SLC15A4: variants seen among roughly 807,000 people sequenced by gnomAD.
The protein encoded by SLC15A4 is solute carrier family 15 member 4.
Under a neutral mutation model 46.1 loss-of-function variants are expected in SLC15A4, and 26 were observed. The observed-to-expected ratio is 0.56, with a 90% CI of 0.41 to 0.78. The LOEUF (loss-of-function observed/expected upper bound fraction) is 0.78. Ranked by LOEUF, SLC15A4 falls within the 30% of genes least tolerant of loss-of-function variation. The probability of loss-of-function intolerance (pLI) is 0.00; values close to 1 mark genes in which losing one functional copy is unlikely to be tolerated. For missense variants in SLC15A4, 751 were observed against 755.7 expected, an observed-to-expected ratio of 0.99 and a Z score of 0.07; for synonymous variants, 370 against 333.4, an observed-to-expected ratio of 1.11 and a Z score of -1.20.
chr12:128,800,402 T>A (rs1023051136), intron 6 of SLC15A4, among the ~76,000 whole-genome samples: 4 of 152,306 alleles, frequency 2.6e-5, no homozygotes, highest in African/African-American at 9.6e-5. Context: ...CTGCCCAGAA[T>A]ACACTTGTTC....
At chr12:128,821,421 C>G (rs1566059695) in intron 1 of SLC15A4, among the ~76,000 whole-genome samples, 1 of 152,236 alleles carries the variant, frequency 6.6e-6, no homozygotes, top group Non-Finnish European at 1.5e-5. Context: ...CATCTCGTCT[C>G]CATCACAGTT....
rs1483717771 is a variant in SLC15A4 at position 128,805,722 on chromosome 12, G to A, written c.1258+3066C>T. Reference sequence around the variant, plus strand: ...AATTTTAGTATTTTTGGTAGAGATGGGGTTTCACCATGTTGGCCAGGCTGG... The same window carrying A: ...AATTTTAGTATTTTTGGTAGAGATGAGGTTTCACCATGTTGGCCAGGCTGG... On this transcript the variant is annotated intron_variant, in intron 5 of 7. Transcript: ENST00000266771. Among the ~76,000 whole-genome samples, 6 of 152,178 alleles carry A rather than the reference G, an allele frequency of 3.9e-5. No individual in the cohort carries two copies. In the East Asian group the frequency reaches 5.8e-4, roughly 15 times the overall value.
At chr12:128,807,678 A>T (rs1955605986) in intron 5 of SLC15A4, among the ~76,000 whole-genome samples, 1 of 152,348 alleles carries the variant, frequency 6.6e-6, no homozygotes, top group East Asian at 1.9e-4. Context: ...CCCTGCGGTG[A>T]TTCAGTTCTT....
At chr12:128,800,769 A>C in intron 6 of SLC15A4, 85 bp downstream of exon 6, 1 of 1,400,676 alleles carries the variant, frequency 7.1e-7, no homozygotes, top group Non-Finnish European at 9.6e-7. Flanking sequence ...TCCTTGTCTC[A>C]ACATATTCCA....
intron 1 of SLC15A4, among the ~76,000 whole-genome samples, chr12:128,816,457 C>G (rs1955752705): frequency 6.6e-6 from 1 of 152,154 alleles, no homozygotes; most frequent in Non-Finnish European, 1.5e-5. Flanking sequence ...TTAGAAAATT[C>G]TTATTCTAAT....
At position 128,814,999 on chromosome 12, in the gene SLC15A4, C is replaced by A. The variant is rs141678338; in HGVS notation, c.618G>T (p.Ala206=). The A allele has an allele frequency of 1.2e-6, 2 of 1,614,138 alleles. No individual in the cohort carries two copies. The highest frequency in any genetic ancestry group is 2.7e-5 in the African/African-American group (2 of 75,018). ...AGGCAATGCCACCTAACGACAGGAT[C>A]GCTCCCAGGTTAATGCTCCAATAAA... ...NWFYWSINLG[A]ILSLGGIAYI... is the part of the protein sequence containing the mutation. The change falls in exon 2 of 8, where the codon GCG becomes GCT. Residue 206 remains alanine, a synonymous_variant. Coordinates refer to ENST00000266771, the MANE Select transcript of SLC15A4 (RefSeq NM_145648.4).
chr12:128,809,942 C>G lies in SLC15A4; in HGVS notation c.1011+1G>C. On this transcript the variant is annotated splice_donor_variant, in intron 3 of 7. Transcript: ENST00000266771. LOFTEE classifies it high-confidence loss of function. ...AATTAAACCTGTTTGTCACCACTCA[C>G]TTGGAAATACACTGTCCAGTAAGGT... 1 of 1,610,012 alleles carries G rather than the reference C, an allele frequency of 6.2e-7. No individual in the cohort carries two copies. Among genetic ancestry groups the G allele is most frequent in the Non-Finnish European group, 8.5e-7 (1 of 1,178,726 alleles).
chr12:128,819,125 C>T (rs766448486), intron 1 of SLC15A4, among the ~76,000 whole-genome samples: 11 of 152,112 alleles, frequency 7.2e-5, no homozygotes, highest in Non-Finnish European at 1.2e-4. Context: ...AAATACTGGC[C>T]GAGCGCGGTG....
chr12:128,794,641 G>A (rs374604501), intron 7 of SLC15A4, among the ~76,000 whole-genome samples: 96 of 152,326 alleles, frequency 6.3e-4, no homozygotes, highest in African/African-American at 2.0e-3. Flanking sequence ...GTAAAAGGAG[G>A]AGGTTCCCTG....
At chr12:128,818,322 A>T (rs12321643) in intron 1 of SLC15A4, among the ~76,000 whole-genome samples, 14,415 of 152,214 alleles carry the variant, frequency 0.095, 929 homozygotes, top group Admixed American at 0.2. Flanking sequence ...GCCTCACCCC[A>T]TTGTCTCTCC....
intron 7 of SLC15A4, among the ~76,000 whole-genome samples, chr12:128,794,714 C>A (rs1197658682): frequency 7.9e-5 from 12 of 152,196 alleles, no homozygotes; most frequent in Admixed American, 7.2e-4. Context: ...TGCAGACACA[C>A]ATGCGGTGGT....
At chr12:128,822,487 C>A (rs1001886905) in intron 1 of SLC15A4, among the ~76,000 whole-genome samples, 2 of 152,240 alleles carry the variant, frequency 1.3e-5, no homozygotes, top group Admixed American at 1.3e-4. Context: ...TCTTTCCTAG[C>A]CTTCTGGTCT....
chr12:128,794,438 C>T, intron 7 of SLC15A4, 82 bp from the exon 8 acceptor site: 1 of 1,361,214 alleles, frequency 7.3e-7, no homozygotes, highest in Non-Finnish European at 1.0e-6. Flanking sequence ...AATCTGGTTC[C>T]CACTAAGGTT....
intron 7 of SLC15A4, among the ~76,000 whole-genome samples, chr12:128,798,499 G>A (rs1484991581): frequency 1.3e-5 from 2 of 152,192 alleles, no homozygotes; most frequent in Admixed American, 6.5e-5. Flanking sequence ...GTCCCTAAAC[G>A]TTCACCAGAT....
intron 2 of SLC15A4, 72 bp downstream of exon 2, chr12:128,814,703 C>T (rs1184549565): frequency 2.6e-5 from 39 of 1,509,778 alleles, no homozygotes; most frequent in Admixed American, 3.6e-5. Flanking sequence ...CACAACAAAC[C>T]GAAGCTAGGA....
chr12:128,819,174 C>T (rs1955800995), intron 1 of SLC15A4, among the ~76,000 whole-genome samples: 1 of 152,118 alleles, frequency 6.6e-6, no homozygotes, highest in Admixed American at 6.5e-5. Flanking sequence ...GAGGCCGAGG[C>T]AGGTGGATCA....
chr12:128,802,387 A>T (rs1009198838), intron 5 of SLC15A4, among the ~76,000 whole-genome samples: 8 of 151,984 alleles, frequency 5.3e-5, no homozygotes, highest in Admixed American at 1.3e-4. Context: ...TCCCCTAGAC[A>T]CCCAAGGTCC....
rs1358646117 is a variant in SLC15A4 at position 128,800,914 on chromosome 12, A to G, written c.1354T>C (p.Trp452Arg). 1 of 1,614,062 alleles carries G rather than the reference A, an allele frequency of 6.2e-7. No homozygotes were observed. Among genetic ancestry groups the G allele is most frequent in the Non-Finnish European group, 8.5e-7 (1 of 1,180,048 alleles). The change falls in exon 6 of 8, where the codon TGG becomes CGG. Residue 452 changes from tryptophan (W) to arginine (R), a missense_variant. Trp to Arg is a moderately radical substitution (Grantham distance 101). Coordinates refer to ENST00000266771, the MANE Select transcript of SLC15A4 (RefSeq NM_145648.4). ...AGCAAGTACTGCGGCACCTGCCACC[A>G]CAGCGACAGATCGGCAGCATGGTAG... ...VVYHAADLSL[W>R]WQVPQYLLIG...
chr12:128,815,629 T>C (rs1955741563), intron 1 of SLC15A4: 1 of 157,710 alleles, frequency 6.3e-6, no homozygotes, highest in Non-Finnish European at 1.4e-5. Context: ...GAGGTTGCAG[T>C]GAACCGAGAC....
Sources: allele counts gnomAD v4.1 joint callset (sites outside exome capture counted in the v4.1 genomes callset), GRCh38; gene constraint gnomAD v4.1.1; transcripts MANE v1.5; gene names NCBI Gene and HGNC (gene_info 2026-07-23, HGNC 2026-07-21).